The following FIBP variants were observed in gnomAD, a reference collection of about 807,000 sequenced individuals.
FIBP encodes the protein acidic fibroblast growth factor intracellular-binding protein.
FIBP carries 29 observed loss-of-function variants against 40.5 expected under a neutral mutation model. The observed-to-expected ratio is 0.72, with a 90% CI of 0.53 to 0.98. The LOEUF (loss-of-function observed/expected upper bound fraction) is 0.98. Among genes scored for constraint, FIBP ranks in the 50% least tolerant of loss-of-function variants. The probability of loss-of-function intolerance (pLI) is 0.00; values close to 1 mark genes in which losing one functional copy is unlikely to be tolerated. For missense variants in FIBP, 411 were observed against 470.2 expected (o/e 0.87, Z 1.16); for synonymous variants, 215 against 191.1 (o/e 1.13, Z -1.03).
Position 65,885,064 on chromosome 11 carries a change from C to T in FIBP, c.755+14G>A, listed in dbSNP as rs1055790644. 5.0e-6 allele frequency: 8 copies of T among 1,613,802 alleles called. No individual in the cohort carries two copies. The highest frequency in any genetic ancestry group is 2.2e-5 in the East Asian group (1 of 44,874). On this transcript the variant is annotated intron_variant, in intron 6 of 9. Transcript: ENST00000357519. The stretch of plus-strand genomic sequence containing the variant: ...CTACTGCAGGCCCCGCCCCATGGGC[C>T]CCTACAAGGTCACCTCTTGTGCAGG...
Position 65,887,990 on chromosome 11 carries a change from T to A in FIBP, c.228A>T (p.Leu76=), listed in dbSNP as rs556176162. ...GAATCTGGAAGATGAGCTGGTGCAG[T>A]AGCTTGGGCGGCGCATGCAGCAGCC... The part of the protein sequence containing the change: ...LERLLHAPPK[L]LHQLIFQIPP... Residue 76 remains leucine (L), a synonymous_variant, in exon 2 of 10, where the codon CTA becomes CTT. Transcript: ENST00000357519. 1.2e-6 allele frequency: 2 copies of A among 1,613,632 alleles called. No homozygotes were observed. Among genetic ancestry groups the A allele is most frequent in the South Asian group, 1.1e-5 (1 of 91,030 alleles).
rs771828109 is a variant in FIBP, at chr11:65,887,447, A to G, written c.411+153T>C. 877 of 190,904 alleles carry G rather than the reference A, an allele frequency of 4.6e-3. 4 individuals are homozygous for G. The East Asian group carries it at 0.063, about 14-fold the overall frequency. 11.8% of individuals were successfully genotyped at this position (190,904 alleles called of 1,614,324 possible). On this transcript the variant is annotated intron_variant, in intron 3 of 9. Coordinates refer to ENST00000357519, the MANE Select transcript of FIBP (RefSeq NM_004214.5). ...GGCCACAGAGCAAGACTCCATCTCG[A>G]AAAAAAAAAAAAAAAAGGAGGGGAA...
intron 7 of FIBP, 124 bp downstream of exon 7, chr11:65,884,811 G>T (rs1217083478): frequency 1.1e-5 from 15 of 1,354,154 alleles, no homozygotes; most frequent in Non-Finnish European, 1.6e-5. Context: ...CCCGTCAGCG[G>T]CCACCAGAGG....
chr11:65,883,894 A>G lies in FIBP; in HGVS notation c.*80T>C. ...ACACAGGCACATCTGCACGCCCCCC[A>G]CTTGCTCCCCGGAGCGAGGACCAGT... On this transcript the variant is annotated 3_prime_UTR_variant, in exon 10 of 10. Transcript: ENST00000357519. 1 of 1,285,482 alleles carries G rather than the reference A, an allele frequency of 7.8e-7. No homozygotes were observed. Among genetic ancestry groups the G allele is most frequent in the Admixed American group, 1.9e-5 (1 of 52,038 alleles). 79.6% of individuals were successfully genotyped at this position (1,285,482 alleles called of 1,614,324 possible).
chr11:65,886,654 C>T, intron 3 of FIBP: 1 of 487,786 alleles, frequency 2.1e-6, no homozygotes, highest in South Asian at 2.8e-5. Flanking sequence ...TTTACTCAAT[C>T]TTATCTCTAA....
chr11:65,886,103 T>C (rs778564590), intron 4 of FIBP: 14 of 490,332 alleles, frequency 2.9e-5, no homozygotes, highest in Non-Finnish European at 4.7e-5. Context: ...GAGGCAGAGG[T>C]TGCAGTGAGC....
At position 65,883,782 on chromosome 11, in the gene FIBP, A is replaced by G; in HGVS notation, c.*192T>C. ...CTTCTGGTGGATGGGCTGAGCACAG[A>G]CACCATTCCCTGAGATATGTCTCAG... On this transcript the variant is annotated 3_prime_UTR_variant, in exon 10 of 10. Coordinates refer to ENST00000357519, the MANE Select transcript of FIBP (RefSeq NM_004214.5). The G allele has an allele frequency of 1.3e-6, 1 of 746,806 alleles. No individual in the cohort carries two copies. Among genetic ancestry groups the G allele is most frequent in the Non-Finnish European group, 2.2e-6 (1 of 449,008 alleles). 46.3% of individuals were successfully genotyped at this position (746,806 alleles called of 1,614,324 possible).
In FIBP at chr11:65,885,050, C is replaced by T; in HGVS notation, c.755+28G>A. ...AGCCACCTGGGCCCCTACTGCAGGC[C>T]CCGCCCCATGGGCCCCTACAAGGTC... On this transcript the variant is annotated intron_variant, in intron 6 of 9. Coordinates refer to ENST00000357519, the MANE Select transcript of FIBP (RefSeq NM_004214.5). 7 of 1,613,740 alleles carry T rather than the reference C, an allele frequency of 4.3e-6. No individual in the cohort carries two copies. The South Asian group carries it at 7.7e-5, about 18-fold the overall frequency.
At chr11:65,886,754 A>T (rs1309212080) in intron 3 of FIBP, 1 of 223,910 alleles carries the variant, frequency 4.5e-6, no homozygotes, top group Non-Finnish European at 8.8e-6. Context: ...AAACTAAAAA[A>T]TAAAAAACAA....
In FIBP at chr11:65,884,946, C is replaced by T. The variant is rs1287783314; in HGVS notation, c.808G>A (p.Ala270Thr). ...ATGGGACCACAGACCTTGAAGTTGG[C>T]TTCCATCTCAGAGAAGACGCCCAGC... ...GKLGVFSEME[A>T]NFKNLSRGLV... Residue 270 changes from alanine (A) to threonine (T), a missense_variant, in exon 7 of 10, where the codon GCC becomes ACC. Coordinates refer to ENST00000357519, the MANE Select transcript of FIBP (RefSeq NM_004214.5). The T allele has an allele frequency of 1.2e-6, 2 of 1,614,194 alleles. No individual in the cohort carries two copies. The highest frequency in any genetic ancestry group is 1.7e-6 in the Non-Finnish European group (2 of 1,180,032).
chr11:65,886,458 A>G (rs1193308444), intron 3 of FIBP, 36 bp from the exon 4 acceptor site: 5 of 1,397,046 alleles, frequency 3.6e-6, no homozygotes, highest in African/African-American at 1.4e-5. Context: ...AGGACTGGTC[A>G]GAGTGTACAC....
intron 8 of FIBP, 22 bp downstream of exon 8, chr11:65,884,548 G>C: frequency 6.2e-7 from 1 of 1,614,030 alleles, no homozygotes; most frequent in Non-Finnish European, 8.5e-7. Flanking sequence ...CAGGTTGGGT[G>C]TCAGAGAGCA....
In FIBP at chr11:65,888,033, G is replaced by A; in HGVS notation, c.185C>T (p.Thr62Ile). The A allele has an allele frequency of 6.2e-7, 1 of 1,612,504 alleles. No homozygotes were observed. Among genetic ancestry groups the A allele is most frequent in the African/African-American group, 1.3e-5 (1 of 75,044 alleles). Residue 62 changes from threonine (T) to isoleucine (I), a missense_variant, in exon 2 of 10, where the codon ACC becomes ATC. Physicochemically the swap from Thr to Ile is moderately conservative, Grantham distance 89. Coordinates refer to ENST00000357519, the MANE Select transcript of FIBP (RefSeq NM_004214.5). ...LQSDTMDHYR[T>I]FHMLERLLHA... Reference sequence around the variant, plus strand: ...CAGCAGCCGCTCGAGCATGTGGAAGGTGCGGTAATGGTCCATGGTGTCGCT... The same window carrying A: ...CAGCAGCCGCTCGAGCATGTGGAAGATGCGGTAATGGTCCATGGTGTCGCT...
At chr11:65,885,480 G>A in intron 5 of FIBP, 50 bp downstream of exon 5, 4 of 1,594,288 alleles carry the variant, frequency 2.5e-6, no homozygotes, top group African/African-American at 1.3e-5. Flanking sequence ...GGGGAATCAG[G>A]TCCTGAGGAT....
In FIBP at chr11:65,885,124, G is replaced by A. The variant is rs1225745490; in HGVS notation, c.709C>T (p.Leu237Phe). The A allele has an allele frequency of 1.9e-6, 3 of 1,609,306 alleles. No homozygotes were observed. In the South Asian group the frequency reaches 3.3e-5, roughly 18 times the overall value. ...DKEFLQDLKE[L>F]KVLVADKDLL... The stretch of plus-strand genomic sequence containing the variant: ...TCCTTGTCAGCCACTAGCACCTTGA[G>A]CTCCTTCAAGTCCTGGAGAAATTCC... The change falls in exon 6 of 10, where the codon CTC becomes TTC. Residue 237 changes from leucine to phenylalanine, a missense_variant. Physicochemically the swap from Leu to Phe is conservative, Grantham distance 22. Transcript: ENST00000357519.
rs1860161640 is a variant in FIBP, at chr11:65,884,035, G to A, written c.1013C>T (p.Ala338Val). The A allele has an allele frequency of 3.7e-6, 6 of 1,613,508 alleles. No individual in the cohort carries two copies. The highest frequency in any genetic ancestry group is 4.2e-6 in the Non-Finnish European group (5 of 1,179,748). The change falls in exon 10 of 10, where the codon GCC (alanine) becomes GTC (valine). Residue 338 changes from alanine (A) to valine (V), a missense_variant. Physicochemically the swap from Ala to Val is moderately conservative, Grantham distance 64 (BLOSUM62 0). Coordinates refer to ENST00000357519, the MANE Select transcript of FIBP (RefSeq NM_004214.5). ...VHSLDGFRHQ[A>V]LWDRYMGTLR... Reference sequence around the variant, plus strand: ...GGTGCCCATGTAGCGGTCCCAGAGGGCCTGGTGTCTGTAAGAACATGAACA... The same window carrying A: ...GGTGCCCATGTAGCGGTCCCAGAGGACCTGGTGTCTGTAAGAACATGAACA...
chr11:65,888,177 G>C (rs1409848930), intron 1 of FIBP, 45 bp from the exon 2 acceptor site: 3 of 1,526,606 alleles, frequency 2.0e-6, no homozygotes, highest in Admixed American at 2.0e-5. Context: ...GCCGACGCCA[G>C]AGGCCCTTAA....
intron 4 of FIBP, chr11:65,886,077 G>A: frequency 6.3e-6 from 3 of 479,630 alleles, no homozygotes; most frequent in Non-Finnish European, 1.1e-5. Context: ...GGCTGAGGCA[G>A]AATTGCTTGA....
intron 9 of FIBP, 92 bp from the exon 10 acceptor site, chr11:65,884,135 T>G: frequency 9.6e-7 from 1 of 1,043,380 alleles, no homozygotes; most frequent in Non-Finnish European, 1.5e-6. Context: ...TTCATTCATT[T>G]TGCCCTTAGA....
Sources: allele counts gnomAD v4.1 joint callset, GRCh38; gene constraint gnomAD v4.1.1; transcripts MANE v1.5; gene names NCBI Gene and HGNC (gene_info 2026-07-23, HGNC 2026-07-21).